UNC5D: variants seen among roughly 807,000 people sequenced by gnomAD.
UNC5D encodes the protein unc-5 netrin receptor D.
UNC5D carries 39 observed loss-of-function variants against 105.4 expected under a neutral mutation model. The observed-to-expected ratio is 0.37, with a 90% CI of 0.29 to 0.48. The LOEUF (loss-of-function observed/expected upper bound fraction) is 0.48. Among genes scored for constraint, UNC5D ranks in the 20% least tolerant of loss-of-function variants. UNC5D has a pLI of 0.98. For missense variants in UNC5D, 991 were observed against 1,202.4 expected, an observed-to-expected ratio of 0.82 and a Z score of 2.60; for synonymous variants, 452 against 450.4, an observed-to-expected ratio of 1.00 and a Z score of -0.04.
intron 1 of UNC5D, among the ~76,000 whole-genome samples, chr8:35,452,731 AAAG>A (rs1808240207): frequency 3.9e-5 from 6 of 152,274 alleles, no homozygotes; most frequent in Middle Eastern, 3.4e-3. Context: ...ACATGCTGAG[AAAG>A]AAGGACATTA....
chr8:35,728,330 C>T (rs1173322178), intron 10 of UNC5D, among the ~76,000 whole-genome samples: 1 of 151,902 alleles, frequency 6.6e-6, no homozygotes, highest in African/African-American at 2.4e-5. Flanking sequence ...AGAGCCATGA[C>T]CAACCCGTTC....
chr8:35,329,876 T>G (rs1810478576), intron 1 of UNC5D, among the ~76,000 whole-genome samples: 1 of 152,138 alleles, frequency 6.6e-6, no homozygotes, highest in African/African-American at 2.4e-5. Flanking sequence ...TGAGCAAGTA[T>G]GGGCAATGCT....
At chr8:35,709,447 G>T (rs1827800136) in intron 8 of UNC5D, among the ~76,000 whole-genome samples, 1 of 152,040 alleles carries the variant, frequency 6.6e-6, no homozygotes, top group South Asian at 2.1e-4. Flanking sequence ...CCCAGCATTT[G>T]GGGAGGCCTA....
At chr8:35,590,477 C>G (rs1228540288) in intron 3 of UNC5D, among the ~76,000 whole-genome samples, 2 of 152,080 alleles carry the variant, frequency 1.3e-5, no homozygotes, top group Non-Finnish European at 2.9e-5. Context: ...CATCTTAATA[C>G]CTTTTCCCAC....
intron 7 of UNC5D, among the ~76,000 whole-genome samples, chr8:35,697,033 C>T (rs983814557): frequency 2.1e-4 from 32 of 151,974 alleles, no homozygotes; most frequent in Non-Finnish European, 4.4e-4. Flanking sequence ...TAATCTTGCA[C>T]CTTGTGTCTG....
chr8:35,485,958 A>G (rs576066243), intron 1 of UNC5D, among the ~76,000 whole-genome samples: 2 of 152,212 alleles, frequency 1.3e-5, no homozygotes, highest in Admixed American at 1.3e-4. Flanking sequence ...TACAGATCAC[A>G]CCTTTGCTTT....
At chr8:35,263,736 C>T (rs989966485) in intron 1 of UNC5D, among the ~76,000 whole-genome samples, 2 of 152,126 alleles carry the variant, frequency 1.3e-5, no homozygotes, top group Non-Finnish European at 1.5e-5. Flanking sequence ...AATGACCTGA[C>T]CTTAGGAATT....
intron 1 of UNC5D, among the ~76,000 whole-genome samples, chr8:35,534,943 A>C (rs1435216520): frequency 6.6e-6 from 1 of 152,036 alleles, no homozygotes; most frequent in African/African-American, 2.4e-5. Flanking sequence ...TCTAGATGTT[A>C]CCTCTGTTAG....
chr8:35,794,124 A>T lies in UNC5D; in HGVS notation c.*3561A>T, dbSNP rs549371167. On this transcript the variant is annotated 3_prime_UTR_variant, in exon 17 of 17. Transcript: ENST00000404895. ...CTACTGCCAAACTTCTGGCAAATTT[A>T]CCTGTGAATTTCAAAATGTTATAAA... 5 of 152,258 alleles carry T rather than the reference A, an allele frequency of 3.3e-5. No individual in the cohort carries two copies. Among genetic ancestry groups the T allele is most frequent in the African/African-American group, 1.2e-4 (5 of 41,552 alleles). 9.4% of individuals were successfully genotyped at this position (152,258 alleles called of 1,614,324 possible). A position where few individuals can be genotyped will look rare whatever the true frequency, so the allele number is the denominator to read the frequency against.
At chr8:35,544,613 T>C (rs1815515424) in intron 1 of UNC5D, 4 of 1,492,486 alleles carry the variant, frequency 2.7e-6, no homozygotes, top group South Asian at 2.6e-5. Flanking sequence ...TTTTTTTTTT[T>C]TTTTTTTGAG....
At chr8:35,409,262 G>A (rs1841548683) in intron 1 of UNC5D, among the ~76,000 whole-genome samples, 2 of 152,054 alleles carry the variant, frequency 1.3e-5, no homozygotes, top group East Asian at 1.9e-4. Context: ...TAAATATCTA[G>A]GAGTGTGGTA....
intron 4 of UNC5D, among the ~76,000 whole-genome samples, chr8:35,634,205 G>GGCATTTTGTTTGCATTGCACTCTTAA (rs1822217189): frequency 2.0e-5 from 3 of 152,182 alleles, no homozygotes; most frequent in South Asian, 2.1e-4. Flanking sequence ...GAAAACCTTA[G>GGCATTTTGTTTGCATTGCACTCTTAA]GCATTTTGTT....
rs112188484 is a variant in UNC5D, at chr8:35,788,689, AAC to A, written c.2658-1661_2658-1660del. Among the ~76,000 whole-genome samples the A allele has an allele frequency of 2.0e-5, 3 of 151,184 alleles. No individual in the cohort carries two copies. In the Admixed American group the frequency reaches 2.0e-4, roughly 10 times the overall value. On this transcript the variant is annotated intron_variant, in intron 16 of 16. Coordinates refer to ENST00000404895, the MANE Select transcript of UNC5D (RefSeq NM_080872.4). Reference sequence around the variant, plus strand: ...TTGTGGTCAAATTGGGAAGGCAGAAAACACACACACGCACACACACACACACA... The same window carrying A: ...TTGTGGTCAAATTGGGAAGGCAGAAAACACACACGCACACACACACACACA...
intron 3 of UNC5D, among the ~76,000 whole-genome samples, chr8:35,587,303 C>CAA (rs1244160935): frequency 6.6e-6 from 1 of 150,880 alleles, no homozygotes; most frequent in Non-Finnish European, 1.5e-5. Flanking sequence ...CACACACACA[C>CAA]AATGTGTGTG....
chr8:35,648,558 A>G (rs1823203324), intron 4 of UNC5D, among the ~76,000 whole-genome samples: 1 of 152,010 alleles, frequency 6.6e-6, no homozygotes, highest in Admixed American at 6.6e-5. Context: ...AGGCACCTGC[A>G]ATCCCAGCTA....
chr8:35,565,333 A>T (rs528105648), intron 2 of UNC5D, among the ~76,000 whole-genome samples: 1 of 152,174 alleles, frequency 6.6e-6, no homozygotes, highest in South Asian at 2.1e-4. Context: ...ATTTCCTTAT[A>T]ATTAGTAATG....
At chr8:35,534,089 T>C (rs1814645889) in intron 1 of UNC5D, among the ~76,000 whole-genome samples, 1 of 152,218 alleles carries the variant, frequency 6.6e-6, no homozygotes, top group Non-Finnish European at 1.5e-5. Flanking sequence ...CTGGTTGTTT[T>C]TATAGTTGAT....
intron 1 of UNC5D, among the ~76,000 whole-genome samples, chr8:35,300,780 T>G (rs552021095): frequency 1.3e-5 from 2 of 152,170 alleles, no homozygotes; most frequent in Non-Finnish European, 2.9e-5. Context: ...GTTCTTGGAT[T>G]GAGGAAATAG....
chr8:35,503,128 G>A (rs1201720970), intron 1 of UNC5D, among the ~76,000 whole-genome samples: 1 of 152,106 alleles, frequency 6.6e-6, no homozygotes, highest in Non-Finnish European at 1.5e-5. Context: ...AATTCTCTCA[G>A]CTAAGAACAT....
Sources: allele counts gnomAD v4.1 joint callset (sites outside exome capture counted in the v4.1 genomes callset), GRCh38; gene constraint gnomAD v4.1.1; transcripts MANE v1.5; gene names NCBI Gene and HGNC (gene_info 2026-07-23, HGNC 2026-07-21).